The following SUMF1 variants were observed in gnomAD, a reference collection of about 807,000 sequenced individuals.
The protein encoded by SUMF1 is formylglycine-generating enzyme.
SUMF1 carries 48 observed loss-of-function variants against 47.6 expected under a neutral mutation model. The ratio of observed to expected loss-of-function variants is 1.01; its 90% CI spans 0.80 to 1.28. The LOEUF (loss-of-function observed/expected upper bound fraction) is 1.28, where lower values mean the gene tolerates loss of function less well. Ranked by LOEUF, SUMF1 falls within the 50% of genes most tolerant of loss-of-function variation. The pLI is 0.00. For synonymous variants in SUMF1, 230 were observed against 192.1 expected (o/e 1.20, Z -1.63); for missense variants, 571 against 485.4 (o/e 1.18, Z -1.66).
intron 8 of SUMF1, among the ~76,000 whole-genome samples, chr3:4,131,892 G>C (rs1360789329): frequency 2.6e-5 from 4 of 152,128 alleles, no homozygotes; most frequent in South Asian, 4.1e-4. Context: ...TGAACAAAGT[G>C]GCCATGGTGG....
intron 7 of SUMF1, among the ~76,000 whole-genome samples, chr3:4,392,267 T>G (rs1700893064): frequency 6.6e-6 from 1 of 152,160 alleles, no homozygotes; most frequent in Admixed American, 6.5e-5. Context: ...ACTTGGTTCT[T>G]TTTTTAAAAT....
At chr3:4,140,486 G>A (rs1308046537) in intron 8 of SUMF1, among the ~76,000 whole-genome samples, 1 of 151,796 alleles carries the variant, frequency 6.6e-6, no homozygotes, top group Non-Finnish European at 1.5e-5. Flanking sequence ...ATTTTGTCAA[G>A]TAGGAAAAAT....
chr3:4,425,845 G>A (rs1702051072), intron 3 of SUMF1, among the ~76,000 whole-genome samples: 1 of 152,148 alleles, frequency 6.6e-6, no homozygotes, highest in South Asian at 2.1e-4. Context: ...ATGGCGTGGT[G>A]GAAGGTAAAG....
At chr3:4,078,452 C>A (rs894249512) in intron 8 of SUMF1, among the ~76,000 whole-genome samples, 1 of 152,030 alleles carries the variant, frequency 6.6e-6, no homozygotes, top group African/African-American at 2.4e-5. Flanking sequence ...GTTACAGAAA[C>A]GGCCCACAAT....
intron 8 of SUMF1, among the ~76,000 whole-genome samples, chr3:4,093,608 T>G (rs1172330850): frequency 6.6e-6 from 1 of 152,052 alleles, no homozygotes; most frequent in Non-Finnish European, 1.5e-5. Context: ...ATACAGATAT[T>G]TAAGAAACAA....
intron 9 of SUMF1, among the ~76,000 whole-genome samples, chr3:4,054,964 C>G (rs527406833): frequency 4.6e-5 from 7 of 152,228 alleles, no homozygotes; most frequent in African/African-American, 1.7e-4. Flanking sequence ...AATGTACGCC[C>G]AGGGTCTTTC....
intron 8 of SUMF1, among the ~76,000 whole-genome samples, chr3:4,119,796 G>T (rs1308330486): frequency 6.6e-6 from 1 of 152,040 alleles, no homozygotes; most frequent in African/African-American, 2.4e-5. Context: ...AGAAGTAGCT[G>T]CACAGAGTAC....
chr3:4,071,543 T>G (rs1444840939), intron 8 of SUMF1, among the ~76,000 whole-genome samples: 1 of 152,214 alleles, frequency 6.6e-6, no homozygotes. Flanking sequence ...CCAGCAAGCT[T>G]AAGATCCACT....
At chr3:4,125,730 G>A (rs747500383) in intron 8 of SUMF1, among the ~76,000 whole-genome samples, 3 of 152,144 alleles carry the variant, frequency 2.0e-5, no homozygotes, top group Non-Finnish European at 4.4e-5. Context: ...GCTAGAGTGC[G>A]GTGGCATGCT....
chr3:4,275,267 G>A (rs1010666127), intron 8 of SUMF1, among the ~76,000 whole-genome samples: 16 of 152,128 alleles, frequency 1.1e-4, no homozygotes, highest in African/African-American at 3.1e-4. Flanking sequence ...AATATGTATT[G>A]TCTCATATAC....
At chr3:4,241,732 C>T (rs770243438) in intron 8 of SUMF1, among the ~76,000 whole-genome samples, 5 of 152,170 alleles carry the variant, frequency 3.3e-5, no homozygotes, top group East Asian at 3.9e-4. Context: ...ACAGATACCA[C>T]GAGAAGTGGG....
At chr3:4,272,473 A>AC (rs1697324339) in intron 8 of SUMF1, among the ~76,000 whole-genome samples, 1 of 152,126 alleles carries the variant, frequency 6.6e-6, no homozygotes, top group East Asian at 1.9e-4. Flanking sequence ...AGGAGCTATG[A>AC]CCCTGAGCAA....
intron 8 of SUMF1, among the ~76,000 whole-genome samples, chr3:4,249,285 G>A (rs1293434374): frequency 6.6e-6 from 1 of 152,050 alleles, no homozygotes; most frequent in African/African-American, 2.4e-5. Context: ...ATTTTATTCT[G>A]CTTCACTTTA....
At chr3:4,389,554 C>G (rs989588798) in intron 7 of SUMF1, among the ~76,000 whole-genome samples, 3 of 152,314 alleles carry the variant, frequency 2.0e-5, no homozygotes, top group Non-Finnish European at 1.5e-5. Flanking sequence ...TCTTCTCATG[C>G]TGTCTTCTTT....
At chr3:4,209,825 A>G (rs1427679484) in intron 8 of SUMF1, among the ~76,000 whole-genome samples, 3 of 152,186 alleles carry the variant, frequency 2.0e-5, no homozygotes, top group South Asian at 2.1e-4. Context: ...TCACTACGCT[A>G]AAGACTACCA....
At chr3:4,449,187 C>T (rs1429140391) in intron 3 of SUMF1, 79 bp downstream of exon 3, 1 of 1,457,168 alleles carries the variant, frequency 6.9e-7, no homozygotes, top group East Asian at 2.3e-5. Context: ...GAAGGTGACA[C>T]ATGTGGTTTG....
At chr3:4,237,275 G>A (rs753843874) in intron 8 of SUMF1, among the ~76,000 whole-genome samples, 4 of 152,038 alleles carry the variant, frequency 2.6e-5, no homozygotes, top group Non-Finnish European at 5.9e-5. Context: ...GTTGCTCCAT[G>A]TACTCACCAG....
chr3:4,316,788 G>A (rs1283773826), intron 8 of SUMF1: 1 of 1,550,724 alleles, frequency 6.4e-7, no homozygotes, highest in African/African-American at 1.4e-5. Flanking sequence ...AAAGGTCATG[G>A]TCACTATTTG....
At chr3:4,307,770 C>T (rs1419839605) in intron 8 of SUMF1, among the ~76,000 whole-genome samples, 1 of 152,178 alleles carries the variant, frequency 6.6e-6, no homozygotes, top group African/African-American at 2.4e-5. Context: ...GGCATGGTGG[C>T]TCACTCCCAT....
Sources: gnomAD v4.1 joint callset for allele counts (sites outside exome capture counted in the v4.1 genomes callset) on GRCh38, gnomAD v4.1.1 for gene constraint, MANE v1.5 for transcripts, NCBI Gene and HGNC (gene_info 2026-07-23, HGNC 2026-07-21) for gene names.